Variants in MAF observed in about 807,000 individuals in gnomAD.
The protein encoded by MAF is transcription factor Maf.
Under a neutral mutation model 22.0 loss-of-function variants are expected in MAF, and 10 were observed. The ratio of observed to expected loss-of-function variants is 0.45; its 90% CI spans 0.28 to 0.77. The LOEUF (loss-of-function observed/expected upper bound fraction) is 0.77, where lower values mean the gene tolerates loss of function less well. MAF is among the 30% of genes least tolerant of loss of function. MAF has a pLI of 0.12. For missense variants in MAF, 544 were observed against 548.4 expected (o/e 0.99, Z 0.08); for synonymous variants, 337 against 255.8 (o/e 1.32, Z -3.03).
chr16:79,380,366 A>C, the MAF span, among the ~76,000 whole-genome samples: 43 of 152,348 alleles, frequency 2.8e-4, no homozygotes, highest in African/African-American at 8.4e-4. Flanking sequence ...AGTAATAATT[A>C]ACAATAGTAG....
the MAF span, among the ~76,000 whole-genome samples, chr16:79,571,513 A>T: frequency 6.7e-6 from 1 of 149,088 alleles, no homozygotes; most frequent in South Asian, 2.1e-4. Context: ...ACTACAAGAA[A>T]AAAACATCTC....
downstream of MAF, among the ~76,000 whole-genome samples, chr16:79,582,215 G>C (rs949149108): frequency 6.6e-6 from 1 of 152,148 alleles, no homozygotes; most frequent in Non-Finnish European, 1.5e-5. Flanking sequence ...TTTTTGGATG[G>C]AGGAAATAAA....
At chr16:79,501,178 G>A in the MAF span, among the ~76,000 whole-genome samples, 1 of 152,282 alleles carries the variant, frequency 6.6e-6, no homozygotes, top group South Asian at 2.1e-4. Context: ...TCTGGTGACT[G>A]CCAGCAAGTC....
At chr16:79,258,651 G>T in the MAF span, among the ~76,000 whole-genome samples, 5 of 152,182 alleles carry the variant, frequency 3.3e-5, no homozygotes, top group Non-Finnish European at 7.3e-5. Context: ...GGAACAAGGG[G>T]CCACCTGCCC....
At chr16:79,379,186 G>T in the MAF span, among the ~76,000 whole-genome samples, 1 of 152,168 alleles carries the variant, frequency 6.6e-6, no homozygotes, top group African/African-American at 2.4e-5. Context: ...TTGGTAAAGA[G>T]AAACAGCTCT....
At chr16:79,299,834 G>C in the MAF span, among the ~76,000 whole-genome samples, 1 of 152,194 alleles carries the variant, frequency 6.6e-6, no homozygotes, top group Non-Finnish European at 1.5e-5. Flanking sequence ...TGTTGAATAT[G>C]ATTATTTAAA....
the MAF span, among the ~76,000 whole-genome samples, chr16:79,399,781 C>G: frequency 6.6e-6 from 1 of 152,154 alleles, no homozygotes; most frequent in Non-Finnish European, 1.5e-5. Flanking sequence ...GTTACCAAAG[C>G]AGGGTGAAGA....
Position 79,600,152 on chromosome 16 carries a change from G to C in MAF, c.-250C>G. 1 of 449,330 alleles carries C rather than the reference G, an allele frequency of 2.2e-6. No individual in the cohort carries two copies. The allele number at this position is 449,330 out of a possible 1,614,324, so 27.8% of individuals were successfully genotyped here. ...CCAATGTGCTCCCTCGCTCGCCCCG[G>C]CCCCTCCTTGCTCGCTCGCCTCCTT... is the stretch of plus-strand genomic sequence containing the variant. On this transcript the variant is annotated 5_prime_UTR_variant, in exon 1 of 2. Transcript: ENST00000326043.
chr16:79,462,271 C>A, the MAF span, among the ~76,000 whole-genome samples: 28 of 152,312 alleles, frequency 1.8e-4, no homozygotes, highest in East Asian at 5.2e-3. Context: ...GAGGGAGGCA[C>A]TTTTATTACT....
chr16:79,398,304 A>G, the MAF span, among the ~76,000 whole-genome samples: 2 of 152,228 alleles, frequency 1.3e-5, no homozygotes, highest in South Asian at 4.1e-4. Context: ...CTGATTAGTG[A>G]CGTTAATGCC....
the MAF span, among the ~76,000 whole-genome samples, chr16:79,257,844 T>C: frequency 1.3e-5 from 2 of 152,186 alleles, no homozygotes; most frequent in East Asian, 1.9e-4. Context: ...GCCATACTTA[T>C]ACTATTGATG....
At chr16:79,487,336 G>A in the MAF span, among the ~76,000 whole-genome samples, 2 of 152,122 alleles carry the variant, frequency 1.3e-5, no homozygotes, top group Non-Finnish European at 2.9e-5. Context: ...GCAGCCTGAG[G>A]GAGCCCTCTT....
the MAF span, among the ~76,000 whole-genome samples, chr16:79,372,066 ATTTT>A: frequency 9.7e-4 from 128 of 132,392 alleles, no homozygotes; most frequent in Non-Finnish European, 1.6e-3. Context: ...AGGGAGAGGA[ATTTT>A]TTTTTTTTTT....
chr16:79,356,051 G>GCA, the MAF span, among the ~76,000 whole-genome samples: 1 of 151,796 alleles, frequency 6.6e-6, no homozygotes, highest in African/African-American at 2.4e-5. Context: ...ACACGCACAT[G>GCA]CACACACACA....
the MAF span, among the ~76,000 whole-genome samples, chr16:79,518,022 T>C: frequency 2.0e-5 from 3 of 152,234 alleles, no homozygotes; most frequent in Admixed American, 6.5e-5. Context: ...TGCTACTAGT[T>C]AATCATATAT....
At chr16:79,557,941 AAGGCCTG>A in the MAF span, among the ~76,000 whole-genome samples, 1 of 151,042 alleles carries the variant, frequency 6.6e-6, no homozygotes, top group African/African-American at 2.4e-5. Context: ...CATTTAAGCC[AAGGCCTG>A]ATGGGTGCTT....
the MAF span, among the ~76,000 whole-genome samples, chr16:79,398,086 T>A: frequency 6.6e-6 from 1 of 152,180 alleles, no homozygotes; most frequent in East Asian, 1.9e-4. Context: ...TGGTGGGGAA[T>A]GTGCTTCCCT....
At chr16:79,274,349 T>G in the MAF span, among the ~76,000 whole-genome samples, 53 of 151,960 alleles carry the variant, frequency 3.5e-4, no homozygotes, top group Non-Finnish European at 6.2e-4. Flanking sequence ...ACTCAGACAC[T>G]AGTCAAAAAT....
the MAF span, among the ~76,000 whole-genome samples, chr16:79,254,804 C>T: frequency 9.0e-4 from 137 of 152,276 alleles, 3 homozygotes; most frequent in East Asian, 0.025. Context: ...ATGAACTCTA[C>T]GCACCAACCT....
Sources: gnomAD v4.1 joint callset for allele counts (sites outside exome capture counted in the v4.1 genomes callset) on GRCh38, gnomAD v4.1.1 for gene constraint, MANE v1.5 for transcripts, NCBI Gene and HGNC (gene_info 2026-07-23, HGNC 2026-07-21) for gene names.